Variants in KIAA0232 observed in about 807,000 individuals in gnomAD.
KIAA0232 encodes uncharacterized protein KIAA0232.
A neutral mutation model predicts 122.0 loss-of-function variants in KIAA0232; 27 were observed. The observed-to-expected ratio is 0.22, with a 90% CI of 0.16 to 0.31. The LOEUF is 0.31. Among genes scored for constraint, KIAA0232 ranks in the 10% least tolerant of loss-of-function variants. KIAA0232 has a pLI of 1.00. For missense variants in KIAA0232, 1,551 were observed against 1,634.2 expected, an observed-to-expected ratio of 0.95 and a Z score of 0.88; for synonymous variants, 613 against 587.6, an observed-to-expected ratio of 1.04 and a Z score of -0.63.
Position 6,855,203 on chromosome 4 carries a change from G to T in KIAA0232, c.370-1961G>T, listed in dbSNP as rs1720507580. 6.6e-6 allele frequency among the ~76,000 whole-genome samples: 1 copy of T among 151,914 alleles called. No individual in the cohort carries two copies. The highest frequency in any genetic ancestry group is 1.5e-5 in the Non-Finnish European group (1 of 68,000). ...GGGTTCAAGCAGTTCTCCTGCCTCA[G>T]CCTCCCAAGTAGCTAAGATTACAGG... On this transcript the variant is annotated intron_variant, in intron 4 of 9. Transcript: ENST00000307659. The surrounding 1 kb of genome is among the most constrained non-coding windows in gnomAD (Gnocchi z 4.3).
chr4:6,792,151 CA>C (rs1461619255), intron 1 of KIAA0232, among the ~76,000 whole-genome samples: 2 of 152,166 alleles, frequency 1.3e-5, no homozygotes, highest in Admixed American at 1.3e-4. Flanking sequence ...ATGTCTTTAT[CA>C]GCATTGCAAA....
At chr4:6,788,114 C>T (rs899179065) in intron 1 of KIAA0232, among the ~76,000 whole-genome samples, 2 of 152,160 alleles carry the variant, frequency 1.3e-5, no homozygotes, top group Admixed American at 6.6e-5. Context: ...TCTTGGCTCA[C>T]TGCAACTTCC....
intron 4 of KIAA0232, among the ~76,000 whole-genome samples, chr4:6,852,703 C>T (rs1720357154): frequency 1.3e-5 from 2 of 152,316 alleles, no homozygotes; most frequent in South Asian, 4.1e-4. Flanking sequence ...TGTGAGTTAG[C>T]TAGGGCTCAG....
At chr4:6,838,099 A>C (rs1577386966) in intron 3 of KIAA0232, among the ~76,000 whole-genome samples, 1 of 152,130 alleles carries the variant, frequency 6.6e-6, no homozygotes, top group Admixed American at 6.5e-5. Flanking sequence ...TTGAGAGTCT[A>C]TGGAGCAATA....
chr4:6,866,725 T>C (rs10022837), intron 7 of KIAA0232, among the ~76,000 whole-genome samples: 70,815 of 151,984 alleles, frequency 0.47, 17,155 homozygotes, highest in East Asian at 0.59. Context: ...ATAATATGAT[T>C]ATTTTCAAAA....
chr4:6,816,721 C>G (rs1577368937), intron 2 of KIAA0232, among the ~76,000 whole-genome samples: 1 of 152,148 alleles, frequency 6.6e-6, no homozygotes, highest in African/African-American at 2.4e-5. Flanking sequence ...ACCTTTGAAA[C>G]TATATGGGCC....
At chr4:6,810,254 G>C (rs1423133694) in intron 2 of KIAA0232, among the ~76,000 whole-genome samples, 1 of 152,152 alleles carries the variant, frequency 6.6e-6, no homozygotes, top group Non-Finnish European at 1.5e-5. Flanking sequence ...ACAGAATAGA[G>C]AGTCCAGAAA....
chr4:6,846,310 C>A (rs371420570), intron 4 of KIAA0232, among the ~76,000 whole-genome samples: 3 of 152,144 alleles, frequency 2.0e-5, no homozygotes, highest in African/African-American at 7.2e-5. Flanking sequence ...AACCAGGTGT[C>A]CCCGACCCCC....
intron 4 of KIAA0232, among the ~76,000 whole-genome samples, chr4:6,856,412 T>G (rs746775476): frequency 2.0e-5 from 3 of 152,204 alleles, no homozygotes; most frequent in Non-Finnish European, 2.9e-5. Flanking sequence ...AAATTGAGAC[T>G]CTTAAAAGTT....
rs1337611222 is a variant in KIAA0232 at position 6,883,485 on chromosome 4, G to A, written c.*2519G>A. On this transcript the variant is annotated 3_prime_UTR_variant, in exon 10 of 10. Coordinates refer to ENST00000307659, the MANE Select transcript of KIAA0232 (RefSeq NM_014743.3). The stretch of plus-strand genomic sequence containing the variant: ...CCAGGTTACATTTGTTCTAGATGGA[G>A]GTCATTTAGCTCTCATTGCAGACAC... 1 of 152,192 alleles carries A rather than the reference G, an allele frequency of 6.6e-6. No individual in the cohort carries two copies. Among genetic ancestry groups the A allele is most frequent in the African/African-American group, 2.4e-5 (1 of 41,446 alleles). The allele number at this position is 152,192 out of a possible 1,614,324, so 9.4% of individuals were successfully genotyped here.
At chr4:6,801,796 G>A (rs1298236617) in intron 1 of KIAA0232, among the ~76,000 whole-genome samples, 1 of 152,130 alleles carries the variant, frequency 6.6e-6, no homozygotes, top group Non-Finnish European at 1.5e-5. Flanking sequence ...CGTGGATTCT[G>A]GTTTATTTGC....
intron 7 of KIAA0232, among the ~76,000 whole-genome samples, chr4:6,864,675 G>A (rs1003750010): frequency 1.2e-4 from 18 of 144,604 alleles, no homozygotes; most frequent in African/African-American, 4.6e-4. Context: ...AGAGGCAAAG[G>A]TTGCAGTGAG....
At chr4:6,794,717 A>G (rs1717055964) in intron 1 of KIAA0232, among the ~76,000 whole-genome samples, 1 of 152,126 alleles carries the variant, frequency 6.6e-6, no homozygotes, top group South Asian at 2.1e-4. Context: ...TGCATCCATG[A>G]TGAAGGTACA....
rs1021614441 is a variant in KIAA0232 at position 6,861,573 on chromosome 4, A to G, written c.1191A>G (p.Lys397=). 5 of 1,614,096 alleles carry G rather than the reference A, an allele frequency of 3.1e-6. No homozygotes were observed. The highest frequency in any genetic ancestry group is 4.2e-6 in the Non-Finnish European group (5 of 1,180,028). ...AGAATAGAAAGGACACAGAGTATAAAGAGGAGCCCTTGTGGTACACCGAGC... is the reference window on the plus strand; with the variant it reads ...AGAATAGAAAGGACACAGAGTATAAGGAGGAGCCCTTGTGGTACACCGAGC... The part of the protein sequence containing the change: ...YMENRKDTEY[K]EEPLWYTEPI... Residue 397 remains lysine, a synonymous_variant, in exon 7 of 10, where the codon AAA becomes AAG. Coordinates refer to ENST00000307659, the MANE Select transcript of KIAA0232 (RefSeq NM_014743.3).
rs577819012 is a variant in KIAA0232 at position 6,873,267 on chromosome 4, G to A, written c.3910+1585G>A. Among the ~76,000 whole-genome samples, 63 of 152,354 alleles carry A rather than the reference G, an allele frequency of 4.1e-4. 1 individual carries two copies. In the South Asian group the frequency reaches 0.011, roughly 27 times the overall value. On this transcript the variant is annotated intron_variant, in intron 8 of 9. Coordinates refer to ENST00000307659, the MANE Select transcript of KIAA0232 (RefSeq NM_014743.3). ...CTATTAAGCATGGGCTAGAATGTAG[G>A]TTGTGATTCTTGTGGTCCAGAAGTT...
At chr4:6,870,171 C>G (rs1053377808) in intron 7 of KIAA0232, among the ~76,000 whole-genome samples, 6 of 152,190 alleles carry the variant, frequency 3.9e-5, no homozygotes, top group Non-Finnish European at 8.8e-5. Flanking sequence ...TCACTGATGA[C>G]AGCTGTTGTC....
At chr4:6,797,809 C>T (rs545644966) in intron 1 of KIAA0232, among the ~76,000 whole-genome samples, 171 of 149,820 alleles carry the variant, frequency 1.1e-3, no homozygotes, top group African/African-American at 3.9e-3. Flanking sequence ...CGGTGGCTCA[C>T]GCCTGTAATC....
intron 4 of KIAA0232, among the ~76,000 whole-genome samples, chr4:6,852,589 C>T (rs1720350547): frequency 6.6e-6 from 1 of 152,150 alleles, no homozygotes; most frequent in Admixed American, 6.5e-5. Flanking sequence ...ATGTGCAGGG[C>T]TGGGCTGAAA....
At chr4:6,817,582 T>C (rs912675206) in intron 2 of KIAA0232, among the ~76,000 whole-genome samples, 4 of 152,198 alleles carry the variant, frequency 2.6e-5, no homozygotes, top group Non-Finnish European at 5.9e-5. Flanking sequence ...CATCTTGATG[T>C]TACCAGTTAT....
Sources: allele counts gnomAD v4.1 joint callset (sites outside exome capture counted in the v4.1 genomes callset), GRCh38; gene constraint gnomAD v4.1.1; non-coding constraint Gnocchi (gnomAD v3.1); transcripts MANE v1.5; gene names NCBI Gene and HGNC (gene_info 2026-07-23, HGNC 2026-07-21).